The following ZNF280D variants were observed in gnomAD, a reference collection of about 807,000 sequenced individuals.
The protein encoded by ZNF280D is suppressor of hairy wing homolog 4.
ZNF280D carries 39 observed loss-of-function variants against 94.7 expected under a neutral mutation model. The observed-to-expected ratio is 0.41, with a 90% CI of 0.32 to 0.54. ZNF280D has a LOEUF of 0.54. ZNF280D is among the 20% of genes least tolerant of loss of function. The pLI, the probability that ZNF280D is intolerant of heterozygous loss-of-function variation, is 0.22. For synonymous variants in ZNF280D, 398 were observed against 377.6 expected (o/e 1.05, Z -0.63); for missense variants, 1,090 against 1,149.3 (o/e 0.95, Z 0.75).
intron 20 of ZNF280D, among the ~76,000 whole-genome samples, chr15:56,638,302 A>G (rs1354214501): frequency 6.6e-6 from 1 of 152,220 alleles, no homozygotes; most frequent in East Asian, 1.9e-4. Context: ...AATGCATGAT[A>G]TTACAAAATT....
intron 13 of ZNF280D, among the ~76,000 whole-genome samples, chr15:56,669,616 A>G (rs1366408311): frequency 2.0e-5 from 3 of 150,192 alleles, no homozygotes; most frequent in Non-Finnish European, 3.0e-5. Flanking sequence ...ATATGTGGCT[A>G]GTAGCTACTA....
At chr15:56,677,449 T>C (rs2055307385) in intron 12 of ZNF280D, 125 bp downstream of exon 12, 4 of 626,264 alleles carry the variant, frequency 6.4e-6, no homozygotes, top group Admixed American at 2.3e-5. Context: ...CTATCCCTCA[T>C]ATAATGCATA....
intron 17 of ZNF280D, chr15:56,654,875 G>A (rs747007292): frequency 3.7e-5 from 17 of 456,320 alleles, no homozygotes; most frequent in Non-Finnish European, 8.8e-6. Context: ...TCATTCACTT[G>A]ATATTTACTG....
intron 9 of ZNF280D, 146 bp from the exon 10 acceptor site, chr15:56,682,623 T>C (rs1334549880): frequency 9.4e-6 from 5 of 530,220 alleles, no homozygotes; most frequent in East Asian, 6.8e-5. Context: ...CACCAAAAAT[T>C]TGTGGTGCAT....
At chr15:56,731,267 C>T (rs1213569810) in intron 1 of ZNF280D, among the ~76,000 whole-genome samples, 3 of 152,050 alleles carry the variant, frequency 2.0e-5, no homozygotes, top group Non-Finnish European at 4.4e-5. Flanking sequence ...CTTTGGGAGG[C>T]CGAGGCAGGT....
chr15:56,704,109 G>C lies in ZNF280D; in HGVS notation c.175+12C>G, dbSNP rs2057257991. 1 of 1,613,094 alleles carries C rather than the reference G, an allele frequency of 6.2e-7. No individual in the cohort carries two copies. Among genetic ancestry groups the C allele is most frequent in the Non-Finnish European group, 8.5e-7 (1 of 1,179,710 alleles). ...CTTATAAAGCTTGGTTTCACTAAAA[G>C]TAAATGCTTACTTGAAATTGCTGGT... On this transcript the variant is annotated intron_variant, in intron 4 of 21. Coordinates refer to ENST00000267807, the MANE Select transcript of ZNF280D (RefSeq NM_017661.4).
At chr15:56,703,446 G>A (rs763306413) in intron 4 of ZNF280D, among the ~76,000 whole-genome samples, 4 of 152,130 alleles carry the variant, frequency 2.6e-5, no homozygotes, top group Non-Finnish European at 5.9e-5. Flanking sequence ...GAGAAGTCCC[G>A]TTTGAGACTA....
chr15:56,665,688 A>T (rs2054238892), intron 16 of ZNF280D, among the ~76,000 whole-genome samples: 1 of 128,702 alleles, frequency 7.8e-6, no homozygotes, highest in South Asian at 2.7e-4. Context: ...TGGGCGACAC[A>T]GCGAGACTCC....
At position 56,672,022 on chromosome 15, in the gene ZNF280D, A is replaced by G. The variant is rs1261979412; in HGVS notation, c.1411-3065T>C. On this transcript the variant is annotated intron_variant, in intron 13 of 21. Transcript: ENST00000267807. ...ATAGAAAAGCTAGTGATTTTTGCAC[A>G]TTGACTTTGTACCTTGGGACTTTGC... 2.6e-5 allele frequency among the ~76,000 whole-genome samples: 4 copies of G among 152,062 alleles called. No individual in the cohort carries two copies. In the East Asian group the frequency reaches 7.7e-4, roughly 29 times the overall value.
chr15:56,658,565 C>G lies in ZNF280D; in HGVS notation c.1995-79G>C, dbSNP rs187921342. 1.2e-5 allele frequency: 12 copies of G among 973,690 alleles called. No homozygotes were observed. The East Asian group carries it at 3.0e-4, about 25-fold the overall frequency. The allele number at this position is 973,690 out of a possible 1,614,324, so 60.3% of individuals were successfully genotyped here. On this transcript the variant is annotated intron_variant, in intron 16 of 21. Coordinates refer to ENST00000267807, the MANE Select transcript of ZNF280D (RefSeq NM_017661.4). ...TTTATAACTATATTTCAAGTCCATA[C>G]TTAAGTTTCTAGTTTGTAATAAAAG...
chr15:56,689,460 T>C lies in ZNF280D; in HGVS notation c.510A>G (p.Glu170=), dbSNP rs2056286434. The C allele has an allele frequency of 1.9e-6, 3 of 1,552,364 alleles. No homozygotes were observed. The Admixed American group carries it at 5.7e-5, about 29-fold the overall frequency. The change falls in exon 8 of 22, where the codon GAA becomes GAG. Residue 170 remains glutamate, a synonymous_variant. Coordinates refer to ENST00000267807, the MANE Select transcript of ZNF280D (RefSeq NM_017661.4). ...GPTLSMAGMS[E]SSFLSKRPST... ...AAGGACGTTTTGATAAAAATGAACT[T>C]TCACTCATACCTACAATAATTTAAA...
chr15:56,711,648 A>G (rs2057765327), intron 1 of ZNF280D, among the ~76,000 whole-genome samples: 1 of 152,192 alleles, frequency 6.6e-6, no homozygotes, highest in African/African-American at 2.4e-5. Context: ...TGGGTGACAC[A>G]GCAAGACTCA....
At chr15:56,696,200 A>G (rs1253181803) in intron 6 of ZNF280D, among the ~76,000 whole-genome samples, 2 of 152,234 alleles carry the variant, frequency 1.3e-5, no homozygotes, top group Non-Finnish European at 2.9e-5. Context: ...CAGTAATAAA[A>G]CATAATCTTA....
At chr15:56,720,386 T>C (rs1206186108) in intron 1 of ZNF280D, among the ~76,000 whole-genome samples, 2 of 152,210 alleles carry the variant, frequency 1.3e-5, no homozygotes, top group African/African-American at 4.8e-5. Flanking sequence ...CCGGCTCTCT[T>C]GCTACTCCCA....
chr15:56,677,531 A>C, intron 12 of ZNF280D, 43 bp downstream of exon 12: 2 of 1,438,132 alleles, frequency 1.4e-6, no homozygotes, highest in Non-Finnish European at 1.9e-6. Context: ...CCAAAACAAC[A>C]AACAAACCAA....
chr15:56,642,531 T>C (rs2052679203), intron 20 of ZNF280D, among the ~76,000 whole-genome samples: 1 of 151,828 alleles, frequency 6.6e-6, no homozygotes, highest in Admixed American at 6.6e-5. Context: ...GTTTAAAACA[T>C]ATTTAAGATA....
chr15:56,642,127 C>T (rs1249324217), intron 20 of ZNF280D, among the ~76,000 whole-genome samples: 1 of 151,194 alleles, frequency 6.6e-6, no homozygotes, highest in Non-Finnish European at 1.5e-5. Flanking sequence ...ACCCATTCCT[C>T]AAAAAAACTA....
chr15:56,669,973 TA>T (rs56174191), intron 13 of ZNF280D, among the ~76,000 whole-genome samples: 60 of 650 alleles, frequency 0.092, 19 homozygotes, highest in African/African-American at 0.17. Context: ...TATATATATA[TA>T]ATATATATAT....
At chr15:56,669,070 G>A (rs775699688) in intron 13 of ZNF280D, 113 bp from the exon 14 acceptor site, 94 of 935,800 alleles carry the variant, frequency 1.0e-4, no homozygotes, top group South Asian at 3.1e-4. Flanking sequence ...AAAAACTTGC[G>A]GTTTAACATC....
Sources: gnomAD v4.1 joint callset for allele counts (sites outside exome capture counted in the v4.1 genomes callset) on GRCh38, gnomAD v4.1.1 for gene constraint, MANE v1.5 for transcripts, NCBI Gene and HGNC (gene_info 2026-07-23, HGNC 2026-07-21) for gene names.